The following MMP26 variants were observed in gnomAD, a reference collection of about 807,000 sequenced individuals.
The protein encoded by MMP26 is matrix metalloproteinase-26.
MMP26 carries 33 observed loss-of-function variants against 31.0 expected under a neutral mutation model. The observed-to-expected ratio is 1.06, with a 90% CI of 0.81 to 1.42. The LOEUF (loss-of-function observed/expected upper bound fraction) is 1.42. MMP26 is among the 40% of genes most tolerant of loss of function. MMP26 has a pLI of 0.00. For missense variants in MMP26, 347 were observed against 316.1 expected, an observed-to-expected ratio of 1.10 and a Z score of -0.74; for synonymous variants, 122 against 114.9, an observed-to-expected ratio of 1.06 and a Z score of -0.40.
chr11:4,723,511 C>T, intron 1 of MMP26: 1 of 1,172,342 alleles, frequency 8.5e-7, no homozygotes, highest in African/African-American at 1.5e-5. Flanking sequence ...ATACAGCTGC[C>T]TGAGGAAGTT....
chr11:4,821,314 A>G lies in MMP26; in HGVS notation c.-145+53973A>G, dbSNP rs1426967507. 2.4e-6 allele frequency: 3 copies of G among 1,231,272 alleles called. No homozygotes were observed. The South Asian group carries it at 4.1e-5, about 17-fold the overall frequency. 76.3% of individuals were successfully genotyped at this position (1,231,272 alleles called of 1,614,324 possible). On this transcript the variant is annotated intron_variant, in intron 2 of 7. Coordinates refer to ENST00000380390, the MANE Select transcript of MMP26 (RefSeq NM_021801.5). ...TTCAAGTTCTTTGAAAATTAGAAAT[A>G]ATAACTCAGTGAATCTTGAAGTGCC...
Position 4,803,888 on chromosome 11 carries a change from T to G in MMP26, c.-145+36547T>G, listed in dbSNP as rs777791490. On this transcript the variant is annotated intron_variant, in intron 2 of 7. Transcript: ENST00000380390. ...TGGCAGAAGGGCATCCTAGACACCA[T>G]GAAGCAGAAGGGGCTCACCCACAGC... The G allele has an allele frequency of 1.9e-6, 3 of 1,612,180 alleles. No individual in the cohort carries two copies. In the East Asian group the frequency reaches 6.7e-5, roughly 36 times the overall value.
intron 1 of MMP26, among the ~76,000 whole-genome samples, chr11:4,727,108 A>G (rs1848111141): frequency 6.6e-6 from 1 of 152,182 alleles, no homozygotes; most frequent in African/African-American, 2.4e-5. Flanking sequence ...GCTTGTCAAC[A>G]TTTTTATCCA....
At chr11:4,710,242 G>A (rs745364156) in intron 1 of MMP26, 51 of 456,586 alleles carry the variant, frequency 1.1e-4, no homozygotes, top group East Asian at 9.7e-4. Context: ...CTGATCGTCC[G>A]CTCTGTGCTC....
chr11:4,935,467 A>G (rs1379332512), intron 2 of MMP26, among the ~76,000 whole-genome samples: 1 of 150,892 alleles, frequency 6.6e-6, no homozygotes, highest in Non-Finnish European at 1.5e-5. Context: ...CAGCTTAAGG[A>G]GATTTTGGGC....
At chr11:4,844,947 A>G (rs75641208) in intron 2 of MMP26, among the ~76,000 whole-genome samples, 3 of 152,152 alleles carry the variant, frequency 2.0e-5, no homozygotes, top group Non-Finnish European at 4.4e-5. Flanking sequence ...ATTGGAATGG[A>G]AAAATTCAGA....
At chr11:4,755,076 T>A (rs1403795694) in intron 1 of MMP26, among the ~76,000 whole-genome samples, 2 of 152,010 alleles carry the variant, frequency 1.3e-5, no homozygotes, top group African/African-American at 4.8e-5. Context: ...GGTTGATCAC[T>A]AATTTCTGTT....
At chr11:4,916,937 C>A (rs931774945) in intron 2 of MMP26, among the ~76,000 whole-genome samples, 5 of 152,204 alleles carry the variant, frequency 3.3e-5, no homozygotes, top group African/African-American at 1.2e-4. Context: ...AAGGCCCAGT[C>A]TTCTACAGAG....
intron 2 of MMP26, among the ~76,000 whole-genome samples, chr11:4,974,928 G>A (rs1846716071): frequency 6.6e-6 from 1 of 151,948 alleles, no homozygotes; most frequent in African/African-American, 2.4e-5. Context: ...CACAGGGAGA[G>A]GAACAACACA....
intron 2 of MMP26, among the ~76,000 whole-genome samples, chr11:4,948,963 G>T (rs1422241056): frequency 8.1e-6 from 1 of 124,084 alleles, no homozygotes; most frequent in African/African-American, 2.7e-5. Context: ...GAAAGTTTGT[G>T]TATGTTTGTG....
chr11:4,727,274 AGAC>A (rs1848113758), intron 1 of MMP26, among the ~76,000 whole-genome samples: 1 of 152,202 alleles, frequency 6.6e-6, no homozygotes, highest in African/African-American at 2.4e-5. Context: ...ACGTTATAAA[AGAC>A]AATCAGTATC....
At position 4,790,234 on chromosome 11, in the gene MMP26, G is replaced by A. The variant is rs1028614632; in HGVS notation, c.-145+22893G>A. Reference sequence around the variant, plus strand: ...CACGTGCCTATAATCCCAGCTACTCGGGAGGCTGAGGCAGGAGAATCTCTT... The same window carrying A: ...CACGTGCCTATAATCCCAGCTACTCAGGAGGCTGAGGCAGGAGAATCTCTT... On this transcript the variant is annotated intron_variant, in intron 2 of 7. Transcript: ENST00000380390. 6.6e-5 allele frequency among the ~76,000 whole-genome samples: 10 copies of A among 151,840 alleles called. 1 individual carries two copies. The highest frequency in any genetic ancestry group is 3.3e-4 in the Admixed American group (5 of 15,210).
intron 2 of MMP26, among the ~76,000 whole-genome samples, chr11:4,906,198 C>T (rs183319738): frequency 4.5e-4 from 69 of 152,226 alleles, no homozygotes; most frequent in Middle Eastern, 3.4e-3. Context: ...AATAAGAATA[C>T]GTAACTCCAA....
At chr11:4,765,803 T>A (rs936865386) in intron 1 of MMP26, among the ~76,000 whole-genome samples, 3 of 152,232 alleles carry the variant, frequency 2.0e-5, no homozygotes, top group Non-Finnish European at 4.4e-5. Context: ...TGTGCACTTT[T>A]ATGGAAAATG....
chr11:4,859,632 C>G (rs1408471038), intron 2 of MMP26: 10 of 436,850 alleles, frequency 2.3e-5, no homozygotes, highest in Non-Finnish European at 4.7e-5. Flanking sequence ...TTTTTTGCCT[C>G]TGGAACACTT....
intron 2 of MMP26, among the ~76,000 whole-genome samples, chr11:4,801,070 A>G (rs1328182528): frequency 2.0e-5 from 3 of 152,160 alleles, no homozygotes; most frequent in South Asian, 2.1e-4. Flanking sequence ...TCAAGTTCAT[A>G]TGAACTTCAC....
rs116334492 is a variant in MMP26, at chr11:4,921,974, G to A, written c.-144-66094G>A. Among the ~76,000 whole-genome samples, 1,340 of 152,206 alleles carry A rather than the reference G, an allele frequency of 8.8e-3. 20 individuals are homozygous for A. Among genetic ancestry groups the A allele is most frequent in the African/African-American group, 0.03 (1,235 of 41,536 alleles). On this transcript the variant is annotated intron_variant, in intron 2 of 7. Transcript: ENST00000380390. ...GAGTAATGTGTATTGTACCCATTAG[G>A]TAATTTCTCATGCCTTACTGCCCTC... is the stretch of plus-strand genomic sequence containing the variant.
At chr11:4,953,001 C>T (rs1846388982) in intron 2 of MMP26, among the ~76,000 whole-genome samples, 1 of 123,660 alleles carries the variant, frequency 8.1e-6, no homozygotes, top group Admixed American at 9.0e-5. Context: ...CTTGATTCAA[C>T]GAGTGGGTAA....
chr11:4,805,411 T>G (rs2133456096), intron 2 of MMP26, among the ~76,000 whole-genome samples: 1 of 152,368 alleles, frequency 6.6e-6, no homozygotes, highest in East Asian at 1.9e-4. Flanking sequence ...AGCAGATCAA[T>G]TCAGCCATTG....
Sources: gnomAD v4.1 joint callset for allele counts (sites outside exome capture counted in the v4.1 genomes callset) on GRCh38, gnomAD v4.1.1 for gene constraint, MANE v1.5 for transcripts, NCBI Gene and HGNC (gene_info 2026-07-23, HGNC 2026-07-21) for gene names.